Variants in RBFOX1 observed in about 807,000 individuals in gnomAD.
RBFOX1 encodes RNA binding fox-1 homolog 1, also known as RNA binding protein fox-1 homolog 1.
Under a neutral mutation model 57.7 loss-of-function variants are expected in RBFOX1, and 8 were observed. That is an observed-to-expected ratio of 0.14 (90% confidence interval 0.08 to 0.25). RBFOX1 has a LOEUF of 0.25. RBFOX1 is among the 10% of genes least tolerant of loss of function. RBFOX1 has a pLI of 1.00. For missense variants in RBFOX1, 611 were observed against 548.5 expected (o/e 1.11, Z -1.14); for synonymous variants, 326 against 222.4 (o/e 1.47, Z -4.15).
chr16:6,232,754 A>G (rs1314550327), intron 1 of RBFOX1, among the ~76,000 whole-genome samples: 1 of 152,166 alleles, frequency 6.6e-6, no homozygotes, highest in African/African-American at 2.4e-5. Context: ...ACAGTTCATT[A>G]ATGCAGTGAC....
intron 4 of RBFOX1, among the ~76,000 whole-genome samples, chr16:7,077,251 G>T (rs944448503): frequency 1.3e-5 from 2 of 152,212 alleles, no homozygotes; most frequent in African/African-American, 2.4e-5. Flanking sequence ...TGTTGGCATT[G>T]GTGGGCAAGG....
At chr16:6,614,348 T>C (rs1453451772) in intron 2 of RBFOX1, among the ~76,000 whole-genome samples, 2 of 152,326 alleles carry the variant, frequency 1.3e-5, no homozygotes, top group East Asian at 3.9e-4. Context: ...ATGCCAGGTA[T>C]GAAGAATTAA....
chr16:6,515,312 G>A (rs1375222691), intron 2 of RBFOX1, among the ~76,000 whole-genome samples: 1 of 152,176 alleles, frequency 6.6e-6, no homozygotes, highest in Non-Finnish European at 1.5e-5. Context: ...TGCTAGGCTT[G>A]TCTTTGTCAG....
At chr16:6,722,063 G>C (rs1281644637) in intron 3 of RBFOX1, 1 of 152,184 alleles carries the variant, frequency 6.6e-6, no homozygotes, top group Non-Finnish European at 1.5e-5. Context: ...ATGAACGCTT[G>C]GATTGCTTTC....
chr16:7,585,754 AG>A (rs1161807783), intron 6 of RBFOX1, among the ~76,000 whole-genome samples: 13 of 152,272 alleles, frequency 8.5e-5, no homozygotes, highest in African/African-American at 2.6e-4. Flanking sequence ...TCCAGAGGAT[AG>A]CTATCTGTAT....
chr16:6,524,504 C>A (rs2096552270), intron 2 of RBFOX1, among the ~76,000 whole-genome samples: 1 of 152,148 alleles, frequency 6.6e-6, no homozygotes, highest in Admixed American at 6.5e-5. Context: ...CGTTAGACAT[C>A]AAGTTCCTAG....
chr16:6,885,666 G>A (rs2063846062), intron 3 of RBFOX1, among the ~76,000 whole-genome samples: 1 of 151,930 alleles, frequency 6.6e-6, no homozygotes, highest in Non-Finnish European at 1.5e-5. Flanking sequence ...CTAGTAGCTG[G>A]GATTACAGGC....
intron 3 of RBFOX1, among the ~76,000 whole-genome samples, chr16:6,802,198 A>G (rs1407011336): frequency 6.6e-6 from 1 of 152,162 alleles, no homozygotes; most frequent in Non-Finnish European, 1.5e-5. Flanking sequence ...CAGCCTTTGT[A>G]GATGGGCTCT....
chr16:6,113,683 A>C (rs940228430), intron 1 of RBFOX1, among the ~76,000 whole-genome samples: 1 of 152,234 alleles, frequency 6.6e-6, no homozygotes, highest in African/African-American at 2.4e-5. Context: ...GGGAGAAAAG[A>C]AGAAGCTGAA....
chr16:6,950,785 A>G (rs1408349371), intron 3 of RBFOX1, among the ~76,000 whole-genome samples: 1 of 152,202 alleles, frequency 6.6e-6, no homozygotes, highest in Non-Finnish European at 1.5e-5. Context: ...ATATTGTGGC[A>G]GAATGCTCTA....
chr16:6,085,237 C>G (rs2096066664), intron 1 of RBFOX1, among the ~76,000 whole-genome samples: 2 of 152,112 alleles, frequency 1.3e-5, no homozygotes, highest in South Asian at 2.1e-4. Flanking sequence ...AAACATTGGC[C>G]TGACTTTGAG....
At chr16:7,284,432 G>T (rs2095608834) in intron 4 of RBFOX1, among the ~76,000 whole-genome samples, 1 of 152,146 alleles carries the variant, frequency 6.6e-6, no homozygotes. Context: ...TTGGGCACAA[G>T]CAGTCCTCCC....
At chr16:5,601,285 A>T (rs1458459265), downstream of RBFOX1, 1 of 152,342 alleles carries the variant, frequency 6.6e-6, no homozygotes, top group Admixed American at 6.5e-5. Context: ...GTCTGCACCC[A>T]AGGTGTTTCA....
Position 6,025,510 on chromosome 16 carries a change from TGC to T in RBFOX1, c.-127+5519_-127+5520del, listed in dbSNP as rs537667775. On this transcript the variant is annotated intron_variant, in intron 1 of 15. Coordinates refer to ENST00000550418, the MANE Select transcript of RBFOX1 (RefSeq NM_018723.4). The stretch of plus-strand genomic sequence containing the variant: ...AGAGGCAACATCATGTGTTCTTGTG[TGC>T]CTGCATGAGCAGCCGCACCCTCCCA... 6.6e-5 allele frequency among the ~76,000 whole-genome samples: 10 copies of T among 152,346 alleles called. No individual in the cohort carries two copies. In the East Asian group the frequency reaches 1.7e-3, roughly 26 times the overall value.
At chr16:5,356,186 C>G (rs1015747036) in intron 1 of RBFOX1, among the ~76,000 whole-genome samples, 5 of 152,058 alleles carry the variant, frequency 3.3e-5, no homozygotes, top group Admixed American at 2.6e-4. Flanking sequence ...ATCTAACAGC[C>G]AAGGGGTGGC....
intron 5 of RBFOX1, among the ~76,000 whole-genome samples, chr16:7,554,161 T>G (rs1243931545): frequency 6.6e-6 from 1 of 152,190 alleles, no homozygotes; most frequent in African/African-American, 2.4e-5. Flanking sequence ...AAAGCTTAGT[T>G]GGGCTGATGG....
intron 3 of RBFOX1, among the ~76,000 whole-genome samples, chr16:7,026,468 T>C (rs1477927851): frequency 1.3e-5 from 2 of 152,170 alleles, no homozygotes; most frequent in African/African-American, 4.8e-5. Flanking sequence ...TCTTCTTTCA[T>C]TTTTTTCACA....
intron 3 of RBFOX1, among the ~76,000 whole-genome samples, chr16:6,883,114 T>G (rs1216151029): frequency 2.0e-5 from 3 of 152,156 alleles, no homozygotes; most frequent in African/African-American, 7.2e-5. Flanking sequence ...ATGGCTACAG[T>G]ATATATCAAG....
intron 4 of RBFOX1, among the ~76,000 whole-genome samples, chr16:7,369,383 G>T (rs530376482): frequency 1.3e-5 from 2 of 152,078 alleles, no homozygotes; most frequent in South Asian, 2.1e-4. Flanking sequence ...ATGGTGTCCC[G>T]CAGACTCTCC....
Sources: allele counts gnomAD v4.1 joint callset (sites outside exome capture counted in the v4.1 genomes callset), GRCh38; gene constraint gnomAD v4.1.1; transcripts MANE v1.5; gene names NCBI Gene and HGNC (gene_info 2026-07-23, HGNC 2026-07-21).